The following SMYD3 variants were observed in gnomAD, a reference collection of about 807,000 sequenced individuals.
The protein encoded by SMYD3 is histone-lysine N-methyltransferase SMYD3.
Under a neutral mutation model 57.7 loss-of-function variants are expected in SMYD3, and 36 were observed. That is an observed-to-expected ratio of 0.62 (90% confidence interval 0.48 to 0.82). The LOEUF (loss-of-function observed/expected upper bound fraction) is 0.82. Among genes scored for constraint, SMYD3 ranks in the 40% least tolerant of loss-of-function variants. SMYD3 has a pLI of 0.00. For missense variants in SMYD3, 515 were observed against 538.8 expected (o/e 0.96, Z 0.44); for synonymous variants, 211 against 195.0 (o/e 1.08, Z -0.68).
At chr1:245,834,976 AACTT>A (rs1310056965) in intron 10 of SMYD3, among the ~76,000 whole-genome samples, 1 of 152,194 alleles carries the variant, frequency 6.6e-6, no homozygotes, top group East Asian at 1.9e-4. Flanking sequence ...TGAGAAAGTG[AACTT>A]ACAGATACAT....
chr1:245,770,062 G>A (rs1271863940), intron 10 of SMYD3, among the ~76,000 whole-genome samples: 1 of 152,252 alleles, frequency 6.6e-6, no homozygotes, highest in East Asian at 1.9e-4. Context: ...CAATGGTGGA[G>A]TAGCTTATTT....
intron 8 of SMYD3, among the ~76,000 whole-genome samples, chr1:245,879,361 T>G (rs986823229): frequency 6.6e-6 from 1 of 152,218 alleles, no homozygotes; most frequent in South Asian, 2.1e-4. Context: ...CAGTAACCGC[T>G]AAATGCACAT....
intron 5 of SMYD3, among the ~76,000 whole-genome samples, chr1:246,046,555 C>T (rs993090333): frequency 6.6e-6 from 1 of 151,596 alleles, no homozygotes; most frequent in Non-Finnish European, 1.5e-5. Context: ...AGCACACCAA[C>T]ATGGCACATG....
intron 10 of SMYD3, among the ~76,000 whole-genome samples, chr1:245,823,181 A>T (rs113711515): frequency 6.6e-6 from 1 of 152,240 alleles, no homozygotes; most frequent in Admixed American, 6.5e-5. Context: ...GAATGTGACC[A>T]GTAACAGGAA....
intron 1 of SMYD3, among the ~76,000 whole-genome samples, chr1:246,460,325 T>C (rs1176912302): frequency 6.6e-6 from 1 of 152,206 alleles, no homozygotes; most frequent in African/African-American, 2.4e-5. Flanking sequence ...AACAGAAAGA[T>C]GAATATGTCA....
At chr1:245,794,651 G>C (rs1212311198) in intron 10 of SMYD3, among the ~76,000 whole-genome samples, 2 of 152,108 alleles carry the variant, frequency 1.3e-5, no homozygotes, top group African/African-American at 2.4e-5. Context: ...GAAACTTATT[G>C]GATAGTCTCA....
intron 5 of SMYD3, among the ~76,000 whole-genome samples, chr1:245,985,306 G>C (rs1219921365): frequency 6.6e-6 from 1 of 151,994 alleles, no homozygotes; most frequent in African/African-American, 2.4e-5. Flanking sequence ...CTCAAATCTA[G>C]ACTTCTCTTC....
intron 5 of SMYD3, among the ~76,000 whole-genome samples, chr1:246,020,801 G>T (rs988953224): frequency 6.6e-6 from 1 of 152,150 alleles, no homozygotes. Context: ...AAGTCAGAAA[G>T]CCTGACTGTA....
intron 5 of SMYD3, among the ~76,000 whole-genome samples, chr1:246,298,477 A>G (rs1424676609): frequency 6.6e-6 from 1 of 152,134 alleles, no homozygotes; most frequent in Non-Finnish European, 1.5e-5. Flanking sequence ...TGTGTTTTCA[A>G]TACAATTTAA....
At chr1:246,408,968 C>G (rs1004157968) in intron 1 of SMYD3, among the ~76,000 whole-genome samples, 9 of 152,192 alleles carry the variant, frequency 5.9e-5, no homozygotes, top group African/African-American at 1.9e-4. Flanking sequence ...CCGCACCCAG[C>G]CAAGTCTTTA....
At chr1:245,777,350 G>A (rs976918663) in intron 10 of SMYD3, among the ~76,000 whole-genome samples, 1 of 152,134 alleles carries the variant, frequency 6.6e-6, no homozygotes, top group African/African-American at 2.4e-5. Context: ...ATTGCCAAAG[G>A]CAACCACTTT....
chr1:246,217,308 A>G (rs867038201), intron 5 of SMYD3, among the ~76,000 whole-genome samples: 2 of 152,086 alleles, frequency 1.3e-5, no homozygotes. Flanking sequence ...ACAGCTTAAA[A>G]AACAAAATCA....
intron 1 of SMYD3, among the ~76,000 whole-genome samples, chr1:246,396,580 T>C (rs750163414): frequency 8.6e-5 from 13 of 151,790 alleles, no homozygotes; most frequent in Non-Finnish European, 1.2e-4. Flanking sequence ...TGCTTTCATA[T>C]ACTCAATGAT....
At chr1:245,870,280 C>T (rs2148513614) in intron 8 of SMYD3, among the ~76,000 whole-genome samples, 1 of 152,332 alleles carries the variant, frequency 6.6e-6, no homozygotes, top group African/African-American at 2.4e-5. Context: ...CCCACCGCAG[C>T]TGTGGGTATT....
rs1052440827 is a variant in SMYD3 at position 245,824,870 on chromosome 1, C to CA, written c.1076+33625dup. On this transcript the variant is annotated intron_variant, in intron 10 of 11. Transcript: ENST00000490107. The stretch of plus-strand genomic sequence containing the variant: ...AAACTCCGTCTCAAAAAAAAAAAAA[C>CA]AAAAAAAAAAATTAGTCGGGTGTGG... 6.4e-4 allele frequency among the ~76,000 whole-genome samples: 59 copies of CA among 92,470 alleles called. 1 individual carries two copies. The highest frequency in any genetic ancestry group is 1.8e-3 in the South Asian group (5 of 2,768). The allele number at this position is 92,470 out of a possible 152,430, so 60.7% of individuals were successfully genotyped here.
intron 5 of SMYD3, among the ~76,000 whole-genome samples, chr1:246,297,865 G>A (rs2064823551): frequency 6.6e-6 from 1 of 152,090 alleles, no homozygotes; most frequent in South Asian, 2.1e-4. Context: ...ATAGGACAAT[G>A]ATCTTCATAT....
chr1:246,270,926 C>T (rs990052036), intron 5 of SMYD3, among the ~76,000 whole-genome samples: 6 of 152,194 alleles, frequency 3.9e-5, no homozygotes, highest in East Asian at 3.8e-4. Flanking sequence ...CAGTTTTACA[C>T]GTCCACGCAG....
In SMYD3 at chr1:246,001,597, G is replaced by A. The variant is rs148864652; in HGVS notation, c.532-71660C>T. On this transcript the variant is annotated intron_variant, in intron 5 of 11. Transcript: ENST00000490107. ...GTGGTCGCTGGCTCTGCGAGCTGTG[G>A]TTTGAAGACGGAAACAATAATAATC... Among the ~76,000 whole-genome samples, 507 of 152,282 alleles carry A rather than the reference G, an allele frequency of 3.3e-3. 2 individuals are homozygous for A. Among genetic ancestry groups the A allele is most frequent in the African/African-American group, 0.011 (463 of 41,558 alleles).
intron 5 of SMYD3, among the ~76,000 whole-genome samples, chr1:246,135,040 T>C (rs1337199883): frequency 6.6e-6 from 1 of 152,100 alleles, no homozygotes; most frequent in Non-Finnish European, 1.5e-5. Context: ...ACAGCTTCTC[T>C]GACTTAGAAT....
Sources: allele counts gnomAD v4.1 joint callset (sites outside exome capture counted in the v4.1 genomes callset), GRCh38; gene constraint gnomAD v4.1.1; transcripts MANE v1.5; gene names NCBI Gene and HGNC (gene_info 2026-07-23, HGNC 2026-07-21).